TJP1: variants seen among roughly 807,000 people sequenced by gnomAD.
The protein encoded by TJP1 is tight junction protein 1.
In TJP1, 43 loss-of-function variants were observed where a neutral mutation model predicts 194.2. The ratio of observed to expected loss-of-function variants is 0.22; its 90% CI spans 0.17 to 0.29. The LOEUF (loss-of-function observed/expected upper bound fraction) is 0.29, where lower values mean the gene tolerates loss of function less well. Ranked by LOEUF, TJP1 falls within the 10% of genes least tolerant of loss-of-function variation. The pLI, the probability that TJP1 is intolerant of heterozygous loss-of-function variation, is 1.00. For synonymous variants in TJP1, 801 were observed against 779.0 expected (o/e 1.03, Z -0.47); for missense variants, 1,971 against 2,185.7 (o/e 0.90, Z 1.96).
intron 2 of TJP1, among the ~76,000 whole-genome samples, chr15:29,899,642 C>T (rs1035722586): frequency 6.6e-6 from 1 of 152,194 alleles, no homozygotes; most frequent in Non-Finnish European, 1.5e-5. Context: ...GCCACATCTA[C>T]ATCACTACAG....
chr15:29,798,472 G>A (rs1226881659), intron 2 of TJP1, among the ~76,000 whole-genome samples: 3 of 151,972 alleles, frequency 2.0e-5, no homozygotes, highest in Non-Finnish European at 2.9e-5. Flanking sequence ...TAAACATGAC[G>A]TCATCACTCG....
intron 4 of TJP1, among the ~76,000 whole-genome samples, chr15:29,771,529 G>T (rs990811774): frequency 6.6e-6 from 1 of 152,176 alleles, no homozygotes; most frequent in Admixed American, 6.5e-5. Flanking sequence ...TATTTGGCCG[G>T]GCGTGGTGGC....
At chr15:29,726,345 G>T in intron 18 of TJP1, 34 bp downstream of exon 18, 2 of 1,535,734 alleles carry the variant, frequency 1.3e-6, no homozygotes, top group South Asian at 1.1e-5. Flanking sequence ...ATAATTTACT[G>T]AACAAGTCAA....
intron 2 of TJP1, among the ~76,000 whole-genome samples, chr15:29,878,649 A>AT (rs2052804186): frequency 6.6e-6 from 1 of 152,124 alleles, no homozygotes; most frequent in African/African-American, 2.4e-5. Flanking sequence ...AGGTGTCTCT[A>AT]CAATTTTAGT....
chr15:29,909,253 G>A (rs1007957132), intron 2 of TJP1, among the ~76,000 whole-genome samples: 2 of 148,726 alleles, frequency 1.3e-5, no homozygotes, highest in Non-Finnish European at 1.5e-5. Context: ...CAGGAGAATC[G>A]CTTGAACCCA....
At chr15:29,722,100 T>C (rs1048881995) in intron 18 of TJP1, among the ~76,000 whole-genome samples, 2 of 152,142 alleles carry the variant, frequency 1.3e-5, no homozygotes, top group Admixed American at 1.3e-4. Context: ...GGCTATGCAG[T>C]AAAAAATAAA....
rs202019168 is a variant in TJP1, at chr15:29,766,278, G to T, written c.577C>A (p.Arg193=). 2 of 1,604,066 alleles carry T rather than the reference G, an allele frequency of 1.2e-6. No individual in the cohort carries two copies. Among genetic ancestry groups the T allele is most frequent in the Admixed American group, 3.5e-5 (2 of 56,984 alleles). The change falls in exon 5 of 28, where the codon CGG becomes AGG. Residue 193 remains arginine (R), a synonymous_variant. Coordinates refer to ENST00000614355, the MANE Select transcript of TJP1 (RefSeq NM_001330239.4). Reference sequence around the variant, plus strand: ...TGGCAGAGAATACCTTCATTTTTCCGGGATTTCACCAGTGTGACTTTAGTA... The same window carrying T: ...TGGCAGAGAATACCTTCATTTTTCCTGGATTTCACCAGTGTGACTTTAGTA... The part of the protein sequence containing the change: ...KPTKVTLVKS[R]KNEEYGLRLA...
chr15:29,720,661 C>A lies in TJP1; in HGVS notation c.2460G>T (p.Leu820=), dbSNP rs1426992495. 1.2e-6 allele frequency: 2 copies of A among 1,612,052 alleles called. No individual in the cohort carries two copies. The highest frequency in any genetic ancestry group is 1.7e-6 in the Non-Finnish European group (2 of 1,178,642). The stretch of plus-strand genomic sequence containing the variant: ...CACTACCTGGAGCTGACAGGTAGGA[C>A]AGACGATCATCATGCAAATCAAGGT... ...SDDLDLHDDR[L]SYLSAPGSEY... Residue 820 remains leucine, a synonymous_variant, in exon 19 of 28, where the codon CTG becomes CTT. Transcript: ENST00000614355.
At chr15:29,745,391 T>C (rs1393383692) in intron 8 of TJP1, among the ~76,000 whole-genome samples, 3 of 151,676 alleles carry the variant, frequency 2.0e-5, no homozygotes, top group Non-Finnish European at 4.4e-5. Flanking sequence ...AAATCTTTTG[T>C]CAATATCGTC....
Position 29,901,850 on chromosome 15 carries a change from A to G in TJP1, c.306+54382T>C, listed in dbSNP as rs2053644406. On this transcript the variant is annotated intron_variant, in intron 2 of 28. Transcript: ENST00000356107. ...AAAAAAAAAAAAAGTGTCACTTTTAATAACATTACTCAATTGATGACATGT... is the reference window on the plus strand; with the variant it reads ...AAAAAAAAAAAAAGTGTCACTTTTAGTAACATTACTCAATTGATGACATGT... Among the ~76,000 whole-genome samples the G allele has an allele frequency of 1.3e-5, 2 of 151,732 alleles. 1 individual carries two copies. The highest frequency in any genetic ancestry group is 4.2e-4 in the South Asian group (2 of 4,810).
intron 2 of TJP1, among the ~76,000 whole-genome samples, chr15:29,870,900 A>G (rs1240332304): frequency 6.6e-6 from 1 of 152,212 alleles, no homozygotes; most frequent in Non-Finnish European, 1.5e-5. Flanking sequence ...AAGTTGATTG[A>G]TATATTCAAA....
At chr15:29,955,753 T>TAAAAAAAAAAAAAAAAAAAAAA (rs563535771) in intron 2 of TJP1, among the ~76,000 whole-genome samples, 7 of 35,814 alleles carry the variant, frequency 2.0e-4, no homozygotes, top group Admixed American at 8.6e-4. Context: ...CCTGGCTCTT[T>TAAAAAAAAAAAAAAAAAAAAAA]AAAAAAAAAA....
intron 2 of TJP1, among the ~76,000 whole-genome samples, chr15:29,903,318 T>A (rs962630153): frequency 3.3e-5 from 5 of 152,248 alleles, no homozygotes; most frequent in Non-Finnish European, 7.4e-5. Context: ...ACTGTACTTA[T>A]AATATCATGT....
chr15:29,903,958 T>C (rs1596223857), intron 2 of TJP1, among the ~76,000 whole-genome samples: 2 of 152,118 alleles, frequency 1.3e-5, no homozygotes, highest in South Asian at 2.1e-4. Context: ...AACTGCAGAA[T>C]TGAGAAGCAC....
intron 8 of TJP1, among the ~76,000 whole-genome samples, chr15:29,757,432 TA>T (rs577380695): frequency 8.6e-5 from 13 of 151,868 alleles, no homozygotes; most frequent in South Asian, 2.1e-4. Flanking sequence ...CAAAATTAAA[TA>T]AAAAAAACAA....
At position 29,710,815 on chromosome 15, in the gene TJP1, C is replaced by T. The variant is rs2042193297; in HGVS notation, c.4372+16G>A. ...AAGCATTACTGTGTTAAAATGTCTA[C>T]TTCCGAACTTCCTACCTTCACCATG... On this transcript the variant is annotated intron_variant, in intron 24 of 27. Coordinates refer to ENST00000614355, the MANE Select transcript of TJP1 (RefSeq NM_001330239.4). 1 of 1,613,568 alleles carries T rather than the reference C, an allele frequency of 6.2e-7. No individual in the cohort carries two copies.
At position 29,718,124 on chromosome 15, in the gene TJP1, T is replaced by TAAAAAAAAA. The variant is rs563006679; in HGVS notation, c.3877-15_3877-7dup. The stretch of plus-strand genomic sequence containing the variant: ...TTAGATGCTACTTCTGGAGGCTGTT[T>TAAAAAAAAA]AAAAAAAAAAAAAAAAAAAAGACAA... On this transcript the variant is annotated splice_polypyrimidine_tract_variant and splice_region_variant and intron_variant, in intron 21 of 27. Transcript: ENST00000614355. 3.5e-6 allele frequency: 5 copies of TAAAAAAAAA among 1,427,956 alleles called. No homozygotes were observed. The highest frequency in any genetic ancestry group is 2.5e-5 in the South Asian group (2 of 79,052). 88.5% of individuals were successfully genotyped at this position (1,427,956 alleles called of 1,614,324 possible).
intron 2 of TJP1, among the ~76,000 whole-genome samples, chr15:29,848,583 T>A (rs1183896573): frequency 1.3e-5 from 2 of 152,170 alleles, no homozygotes; most frequent in Non-Finnish European, 2.9e-5. Flanking sequence ...AACTATTGGC[T>A]GGGCATGGTG....
At chr15:29,883,442 G>A (rs972268342) in intron 2 of TJP1, among the ~76,000 whole-genome samples, 3 of 152,160 alleles carry the variant, frequency 2.0e-5, no homozygotes, top group Non-Finnish European at 1.5e-5. Context: ...TCAGTTGGAG[G>A]TTAAATTTCT....
Sources: allele counts gnomAD v4.1 joint callset (sites outside exome capture counted in the v4.1 genomes callset), GRCh38; gene constraint gnomAD v4.1.1; transcripts MANE v1.5; gene names NCBI Gene and HGNC (gene_info 2026-07-23, HGNC 2026-07-21).